DOK6: variants seen among roughly 807,000 people sequenced by gnomAD.
DOK6 encodes downstream of tyrosine kinase 6.
In DOK6, 22 loss-of-function variants were observed where a neutral mutation model predicts 44.0. That is an observed-to-expected ratio of 0.50 (90% CI 0.36 to 0.71). The LOEUF (loss-of-function observed/expected upper bound fraction) is 0.71, where lower values mean the gene tolerates loss of function less well. Among genes scored for constraint, DOK6 ranks in the 30% least tolerant of loss-of-function variants. The probability of loss-of-function intolerance (pLI) is 0.00; values close to 1 mark genes in which losing one functional copy is unlikely to be tolerated. For synonymous variants in DOK6, 166 were observed against 145.5 expected, an observed-to-expected ratio of 1.14 and a Z score of -1.01; for missense variants, 340 against 416.4, an observed-to-expected ratio of 0.82 and a Z score of 1.60.
At chr18:69,449,572 C>T (rs948505075) in intron 1 of DOK6, among the ~76,000 whole-genome samples, 1 of 152,194 alleles carries the variant, frequency 6.6e-6, no homozygotes, top group African/African-American at 2.4e-5. Flanking sequence ...CTCAAGGAGG[C>T]CTGCCTGCCT....
chr18:69,462,560 C>G (rs1054572433), intron 1 of DOK6, among the ~76,000 whole-genome samples: 6 of 152,128 alleles, frequency 3.9e-5, no homozygotes, highest in Non-Finnish European at 8.8e-5. Context: ...TATATTTATT[C>G]AGCACATTGT....
At chr18:69,646,807 A>G (rs1599239399) in intron 3 of DOK6, among the ~76,000 whole-genome samples, 1 of 152,134 alleles carries the variant, frequency 6.6e-6, no homozygotes, top group African/African-American at 2.4e-5. Flanking sequence ...TCCCCAGTCA[A>G]GGAGGATCTG....
intron 1 of DOK6, among the ~76,000 whole-genome samples, chr18:69,421,100 T>G (rs1222306331): frequency 1.3e-5 from 2 of 152,164 alleles, no homozygotes; most frequent in Non-Finnish European, 2.9e-5. Context: ...TAAGACAGGT[T>G]CTCAATTGTA....
chr18:69,841,153 AG>A, intron 7 of DOK6, 90 bp from the exon 8 acceptor site: 1 of 1,484,008 alleles, frequency 6.7e-7, no homozygotes, highest in South Asian at 1.2e-5. Context: ...TTAAAAATAT[AG>A]ATAGATAGAT....
At chr18:69,674,019 A>G (rs1463266878) in intron 3 of DOK6, among the ~76,000 whole-genome samples, 2 of 152,208 alleles carry the variant, frequency 1.3e-5, no homozygotes, top group Admixed American at 6.5e-5. Context: ...AGATTATTGC[A>G]TTTGTATTGA....
At chr18:69,679,614 C>T (rs776126369) in intron 4 of DOK6, among the ~76,000 whole-genome samples, 2 of 152,080 alleles carry the variant, frequency 1.3e-5, no homozygotes, top group African/African-American at 2.4e-5. Flanking sequence ...AAAGGAAACA[C>T]CTCTTACTGA....
chr18:69,824,345 A>G (rs1363132914), intron 7 of DOK6, among the ~76,000 whole-genome samples: 1 of 123,304 alleles, frequency 8.1e-6, no homozygotes, highest in African/African-American at 3.0e-5. Flanking sequence ...GGTTTTTACA[A>G]AAAAAAAAAA....
At chr18:69,558,706 A>G (rs973326310) in intron 1 of DOK6, among the ~76,000 whole-genome samples, 1 of 152,126 alleles carries the variant, frequency 6.6e-6, no homozygotes, top group Admixed American at 6.6e-5. Flanking sequence ...TTAGGTCACG[A>G]AAAACAAAGT....
intron 7 of DOK6, among the ~76,000 whole-genome samples, chr18:69,826,349 T>G (rs117202236): frequency 0.019 from 2,894 of 152,306 alleles, 33 homozygotes; most frequent in South Asian, 0.03. Flanking sequence ...AAAGTAGCAG[T>G]TACTCTGAAC....
At chr18:69,406,215 C>A (rs1479708544) in intron 1 of DOK6, among the ~76,000 whole-genome samples, 1 of 152,182 alleles carries the variant, frequency 6.6e-6, no homozygotes, top group Non-Finnish European at 1.5e-5. Flanking sequence ...TATATATCTT[C>A]TACCCAATCC....
intron 1 of DOK6, among the ~76,000 whole-genome samples, chr18:69,465,450 TC>T (rs1296105065): frequency 6.6e-6 from 1 of 151,350 alleles, no homozygotes; most frequent in African/African-American, 2.4e-5. Flanking sequence ...AAGCTATCCC[TC>T]CCCGCTCCCC....
intron 1 of DOK6, among the ~76,000 whole-genome samples, chr18:69,439,520 T>G (rs1979078532): frequency 6.6e-6 from 1 of 152,244 alleles, no homozygotes; most frequent in Non-Finnish European, 1.5e-5. Context: ...GCCACCTTCA[T>G]CAATGATCTT....
At chr18:69,465,868 C>CTATT (rs1328914873) in intron 1 of DOK6, among the ~76,000 whole-genome samples, 1 of 152,080 alleles carries the variant, frequency 6.6e-6, no homozygotes. Context: ...TAAAGTTATT[C>CTATT]TATTGTCTTA....
intron 6 of DOK6, among the ~76,000 whole-genome samples, chr18:69,743,701 ATAAG>A (rs1978879203): frequency 2.0e-5 from 3 of 152,146 alleles, no homozygotes. Flanking sequence ...TATATCCAAA[ATAAG>A]TAAGCAAAAA....
intron 7 of DOK6, among the ~76,000 whole-genome samples, chr18:69,785,165 T>A (rs1461346757): frequency 6.6e-6 from 1 of 152,178 alleles, no homozygotes; most frequent in East Asian, 1.9e-4. Flanking sequence ...CAGCCCAACA[T>A]CAGCAATGTT....
chr18:69,645,577 T>C (rs924653649), intron 3 of DOK6, among the ~76,000 whole-genome samples: 5 of 152,136 alleles, frequency 3.3e-5, no homozygotes, highest in Non-Finnish European at 7.4e-5. Flanking sequence ...AGTAGGAATG[T>C]AAAATTGTAG....
chr18:69,828,884 G>GTATATATAGATATATATATATATATATA (rs1981820727), intron 7 of DOK6, among the ~76,000 whole-genome samples: 1 of 90,172 alleles, frequency 1.1e-5, no homozygotes, highest in African/African-American at 3.1e-5. Flanking sequence ...ACATTTATGT[G>GTATATATAGATATATATATATATATATA]TATATATATA....
chr18:69,584,498 G>C (rs1021419194), intron 2 of DOK6, among the ~76,000 whole-genome samples: 2 of 152,154 alleles, frequency 1.3e-5, no homozygotes, highest in Admixed American at 1.3e-4. Context: ...CACCATGTTG[G>C]CCAGGCTGGT....
chr18:69,763,027 G>T (rs1469654639), intron 7 of DOK6, among the ~76,000 whole-genome samples: 1 of 152,052 alleles, frequency 6.6e-6, no homozygotes, highest in African/African-American at 2.4e-5. Flanking sequence ...TGGAGAATAA[G>T]AATCTCCAAT....
Sources: gnomAD v4.1 joint callset for allele counts (sites outside exome capture counted in the v4.1 genomes callset) on GRCh38, gnomAD v4.1.1 for gene constraint, MANE v1.5 for transcripts, NCBI Gene and HGNC (gene_info 2026-07-23, HGNC 2026-07-21) for gene names.